Variants in CCSER1 observed in about 807,000 individuals in gnomAD.
CCSER1 encodes coiled-coil serine rich protein 1, also known as serine-rich coiled-coil domain-containing protein 1.
A neutral mutation model predicts 82.0 loss-of-function variants in CCSER1; 41 were observed. The observed-to-expected ratio is 0.50, with a 90% confidence interval of 0.39 to 0.65. The LOEUF (loss-of-function observed/expected upper bound fraction) is 0.65. Among genes scored for constraint, CCSER1 ranks in the 30% least tolerant of loss-of-function variants. The probability of loss-of-function intolerance (pLI) is 0.00; values close to 1 mark genes in which losing one functional copy is unlikely to be tolerated. For synonymous variants in CCSER1, 414 were observed against 383.9 expected (o/e 1.08, Z -0.92); for missense variants, 1,119 against 1,064.2 (o/e 1.05, Z -0.72).
chr4:90,255,545 T>G (rs1177729305), intron 1 of CCSER1, among the ~76,000 whole-genome samples: 1 of 152,190 alleles, frequency 6.6e-6, no homozygotes, highest in Non-Finnish European at 1.5e-5. Context: ...TTGACAATGG[T>G]AAATGAAAAA....
At chr4:90,612,564 T>C (rs764879117) in intron 5 of CCSER1, among the ~76,000 whole-genome samples, 1 of 152,200 alleles carries the variant, frequency 6.6e-6, no homozygotes, top group Non-Finnish European at 1.5e-5. Context: ...AAAATTCTTA[T>C]AATTTTCTGT....
At chr4:90,394,414 A>C (rs1292967178) in intron 3 of CCSER1, among the ~76,000 whole-genome samples, 1 of 152,148 alleles carries the variant, frequency 6.6e-6, no homozygotes, top group Non-Finnish European at 1.5e-5. Flanking sequence ...GGGAGATTAC[A>C]TGAGTAGTCA....
intron 9 of CCSER1, among the ~76,000 whole-genome samples, chr4:91,070,808 G>A (rs563269199): frequency 4.6e-4 from 70 of 152,184 alleles, no homozygotes; most frequent in Middle Eastern, 6.8e-3. Context: ...GGGAACCGCC[G>A]CTCTACAAGA....
At chr4:91,476,661 T>A (rs564790641) in intron 10 of CCSER1, among the ~76,000 whole-genome samples, 1 of 151,300 alleles carries the variant, frequency 6.6e-6, no homozygotes, top group African/African-American at 2.4e-5. Flanking sequence ...ACCACAAAGT[T>A]ATAGTAACTA....
chr4:91,528,621 A>AGG (rs1760883487), intron 10 of CCSER1, among the ~76,000 whole-genome samples: 1 of 152,198 alleles, frequency 6.6e-6, no homozygotes, highest in Non-Finnish European at 1.5e-5. Context: ...TAATGAGCAC[A>AGG]TATTAGAGAC....
intron 3 of CCSER1, among the ~76,000 whole-genome samples, chr4:90,347,255 C>T (rs1302782312): frequency 6.6e-6 from 1 of 152,126 alleles, no homozygotes; most frequent in Non-Finnish European, 1.5e-5. Context: ...AATTTCACCT[C>T]ATAAGACTAA....
chr4:91,562,458 G>T (rs1191099865), intron 10 of CCSER1, among the ~76,000 whole-genome samples: 1 of 151,398 alleles, frequency 6.6e-6, no homozygotes, highest in Non-Finnish European at 1.5e-5. Flanking sequence ...TGGAATAAGG[G>T]TTTATCTTCT....
At chr4:90,371,255 G>A (rs1405456716) in intron 3 of CCSER1, among the ~76,000 whole-genome samples, 1 of 151,824 alleles carries the variant, frequency 6.6e-6, no homozygotes, top group Non-Finnish European at 1.5e-5. Flanking sequence ...GAAAATAATT[G>A]CTATTTTGTC....
At chr4:91,028,474 G>A (rs755223009) in intron 9 of CCSER1, among the ~76,000 whole-genome samples, 7 of 151,986 alleles carry the variant, frequency 4.6e-5, no homozygotes, top group East Asian at 1.9e-4. Context: ...TCTTACTGCC[G>A]TTAGACCAGT....
intron 3 of CCSER1, among the ~76,000 whole-genome samples, chr4:90,344,537 AT>A (rs1254689936): frequency 5.3e-5 from 8 of 152,134 alleles, no homozygotes; most frequent in Non-Finnish European, 4.4e-5. Context: ...GATATTAAAA[AT>A]ATTGTGAAAT....
At chr4:91,579,390 A>G (rs929881377) in intron 10 of CCSER1, among the ~76,000 whole-genome samples, 5 of 151,536 alleles carry the variant, frequency 3.3e-5, no homozygotes, top group African/African-American at 1.2e-4. Flanking sequence ...CCTCCCACTC[A>G]GTACATATTC....
intron 5 of CCSER1, among the ~76,000 whole-genome samples, chr4:90,573,958 T>C (rs556018210): frequency 6.6e-6 from 1 of 152,158 alleles, no homozygotes; most frequent in South Asian, 2.1e-4. Flanking sequence ...AAGTATCTTC[T>C]TTTTTGCTGA....
At chr4:90,939,570 G>A (rs1037657878) in intron 9 of CCSER1, among the ~76,000 whole-genome samples, 1 of 152,246 alleles carries the variant, frequency 6.6e-6, no homozygotes, top group Middle Eastern at 3.4e-3. Flanking sequence ...TTGTGGTCAG[G>A]GTTCAGGGCA....
At chr4:90,362,912 C>G (rs1046545202) in intron 3 of CCSER1, among the ~76,000 whole-genome samples, 1 of 152,082 alleles carries the variant, frequency 6.6e-6, no homozygotes, top group Non-Finnish European at 1.5e-5. Flanking sequence ...TTTTGTCAAT[C>G]TGTAGACTTA....
chr4:91,158,931 A>G lies in CCSER1; in HGVS notation c.2217+72937A>G, dbSNP rs73836864. Among the ~76,000 whole-genome samples, 895 of 151,970 alleles carry G rather than the reference A, an allele frequency of 5.9e-3. 9 individuals carry two copies. Among genetic ancestry groups the G allele is most frequent in the African/African-American group, 0.02 (813 of 41,498 alleles). On this transcript the variant is annotated intron_variant, in intron 10 of 10. Coordinates refer to ENST00000509176, the MANE Select transcript of CCSER1 (RefSeq NM_001145065.2). Reference sequence around the variant, plus strand: ...ATCTCAAAAACATCACTCCCTTTAAACATCTTACCAAAAGTACAGCTTTTA... The same window carrying G: ...ATCTCAAAAACATCACTCCCTTTAAGCATCTTACCAAAAGTACAGCTTTTA...
intron 10 of CCSER1, among the ~76,000 whole-genome samples, chr4:91,201,926 C>A (rs1470714969): frequency 6.6e-6 from 1 of 151,922 alleles, no homozygotes. Flanking sequence ...TTTATCAAAT[C>A]ATGAATTTAT....
rs1764890001 is a variant in CCSER1 at position 91,603,748 on chromosome 4, G to A, written c.*4691G>A. Reference sequence around the variant, plus strand: ...TATAACAAAATACCATGGACTGGGTGACTAAACAACAGTCACTTGTGTCTC... The same window carrying A: ...TATAACAAAATACCATGGACTGGGTAACTAAACAACAGTCACTTGTGTCTC... On this transcript the variant is annotated 3_prime_UTR_variant, in exon 11 of 11. Transcript: ENST00000509176. 2 of 152,052 alleles carry A rather than the reference G, an allele frequency of 1.3e-5. No individual in the cohort carries two copies. Among genetic ancestry groups the A allele is most frequent in the South Asian group, 2.1e-4 (1 of 4,824 alleles). 9.4% of individuals were successfully genotyped at this position (152,052 alleles called of 1,614,324 possible).
chr4:90,646,932 T>C (rs770217212), intron 6 of CCSER1, among the ~76,000 whole-genome samples: 1 of 152,150 alleles, frequency 6.6e-6, no homozygotes, highest in Non-Finnish European at 1.5e-5. Context: ...AATTGCTTAG[T>C]ACTCTCTACA....
intron 10 of CCSER1, among the ~76,000 whole-genome samples, chr4:91,466,174 C>T (rs906381091): frequency 2.6e-5 from 4 of 152,162 alleles, no homozygotes; most frequent in African/African-American, 9.7e-5. Flanking sequence ...TGGGCTTCAT[C>T]CCTGGGATGC....
Sources: allele counts gnomAD v4.1 joint callset (sites outside exome capture counted in the v4.1 genomes callset), GRCh38; gene constraint gnomAD v4.1.1; transcripts MANE v1.5; gene names NCBI Gene and HGNC (gene_info 2026-07-23, HGNC 2026-07-21).